The following KMT2C variants were observed in gnomAD, a reference collection of about 807,000 sequenced individuals.
KMT2C encodes histone-lysine N-methyltransferase 2C.
In KMT2C, 88 loss-of-function variants were observed where a neutral mutation model predicts 507.9. The ratio of observed to expected loss-of-function variants is 0.17; its 90% confidence interval spans 0.15 to 0.21. The LOEUF (loss-of-function observed/expected upper bound fraction) is 0.21. KMT2C is among the 10% of genes least tolerant of loss of function. KMT2C has a pLI of 1.00. For synonymous variants in KMT2C, 2,049 were observed against 2,080.8 expected (o/e 0.98, Z 0.42); for missense variants, 4,954 against 5,957.8 (o/e 0.83, Z 5.55).
At position 152,286,198 on chromosome 7, in the gene KMT2C, GTAAT is replaced by G. The variant is rs541748243; in HGVS notation, c.850-12335_850-12332del. ...AAATATCAAATATACTAACATTCAT[GTAAT>G]TAGAGTTACAGAGGAAGAGGAGAGA... On this transcript the variant is annotated intron_variant, in intron 6 of 58. Transcript: ENST00000262189. Among the ~76,000 whole-genome samples, 20 of 152,398 alleles carry G rather than the reference GTAAT, an allele frequency of 1.3e-4. No homozygotes were observed. The East Asian group carries it at 3.1e-3, about 24-fold the overall frequency.
chr7:152,146,668 G>A lies in KMT2C; in HGVS notation c.13962C>T (p.Phe4654=). 6.2e-7 allele frequency: 1 copy of A among 1,614,096 alleles called. No individual in the cohort carries two copies. The highest frequency in any genetic ancestry group is 8.5e-7 in the Non-Finnish European group (1 of 1,179,964). ...GATCCTCTCCTTTTAAATACGCTGG[G>A]AAAAGCTGGAGCATTTCAGACTTTT... ...VRKKSEMLQL[F]PAYLKGEDLF... The change falls in exon 53 of 59, where the codon TTC becomes TTT. Residue 4654 remains phenylalanine, a synonymous_variant. Transcript: ENST00000262189.
At chr7:152,261,868 G>C (rs749915013) in intron 9 of KMT2C, among the ~76,000 whole-genome samples, 5 of 152,114 alleles carry the variant, frequency 3.3e-5, no homozygotes, top group Admixed American at 1.3e-4. Flanking sequence ...GAAGGAATCT[G>C]AACTACCTGA....
At chr7:152,230,612 T>C (rs966887335) in intron 16 of KMT2C, among the ~76,000 whole-genome samples, 3 of 152,228 alleles carry the variant, frequency 2.0e-5, no homozygotes, top group African/African-American at 7.2e-5. Flanking sequence ...CAGGAAACTA[T>C]AAATGATAAT....
chr7:152,309,509 T>A (rs1325597111), intron 6 of KMT2C, among the ~76,000 whole-genome samples: 2 of 95,842 alleles, frequency 2.1e-5, no homozygotes, highest in Non-Finnish European at 3.9e-5. Flanking sequence ...TAAAATAACT[T>A]TTTTTTTTTT....
chr7:152,407,383 G>A (rs796251007), intron 1 of KMT2C, among the ~76,000 whole-genome samples: 1,639 of 131,204 alleles, frequency 0.012, no homozygotes, highest in African/African-American at 0.044. Flanking sequence ...TTAAAATGTA[G>A]CAAAGGGGCC....
At chr7:152,339,258 T>G (rs1316218056) in intron 2 of KMT2C, among the ~76,000 whole-genome samples, 1 of 152,212 alleles carries the variant, frequency 6.6e-6, no homozygotes, top group Non-Finnish European at 1.5e-5. Context: ...TTTACTAACC[T>G]CTAATTTTTA....
In KMT2C at chr7:152,176,857, C is replaced by A. The variant is rs2129113767; in HGVS notation, c.8596G>T (p.Glu2866Ter). 1 of 1,614,158 alleles carries A rather than the reference C, an allele frequency of 6.2e-7. No homozygotes were observed. The highest frequency in any genetic ancestry group is 2.2e-5 in the East Asian group (1 of 44,878). The change falls in exon 38 of 59, where the codon GAA (glutamate) becomes TAA (stop). Residue 2866 changes from glutamate to a stop codon, truncating the protein, a stop_gained. Coordinates refer to ENST00000262189, the MANE Select transcript of KMT2C (RefSeq NM_170606.3). LOFTEE classifies it high-confidence loss of function. Reference protein sequence around the residue: ...ASAHSDLNDGEKTSLHPCDPD... With the variant: ...ASAHSDLNDG Reference sequence around the variant, plus strand: ...TCACAAGGATGCAAAGAAGTCTTTTCTCCATCATTTAGGTCTGAGTGAGCA... The same window carrying A: ...TCACAAGGATGCAAAGAAGTCTTTTATCCATCATTTAGGTCTGAGTGAGCA...
At chr7:152,259,394 A>C (rs2095717024) in intron 9 of KMT2C, among the ~76,000 whole-genome samples, 1 of 151,638 alleles carries the variant, frequency 6.6e-6, no homozygotes, top group Non-Finnish European at 1.5e-5. Context: ...ATTAACCCTC[A>C]AATAGTAGGG....
At chr7:152,207,980 T>C (rs572254165) in intron 23 of KMT2C, among the ~76,000 whole-genome samples, 2 of 152,298 alleles carry the variant, frequency 1.3e-5, no homozygotes, top group African/African-American at 2.4e-5. Context: ...ACCTCTGAAA[T>C]GCATTTTATC....
At chr7:152,303,286 T>C (rs1196414480) in intron 6 of KMT2C, among the ~76,000 whole-genome samples, 3 of 152,208 alleles carry the variant, frequency 2.0e-5, no homozygotes, top group South Asian at 2.1e-4. Flanking sequence ...AGGAATAATA[T>C]GTCAAACCAG....
intron 55 of KMT2C, among the ~76,000 whole-genome samples, chr7:152,142,169 T>C (rs1185320741): frequency 6.6e-6 from 1 of 152,256 alleles, no homozygotes; most frequent in Non-Finnish European, 1.5e-5. Flanking sequence ...ATCTAGGGTC[T>C]TGACCAAGAC....
chr7:152,336,747 T>C (rs907784771), intron 2 of KMT2C, among the ~76,000 whole-genome samples: 4 of 152,312 alleles, frequency 2.6e-5, no homozygotes, highest in South Asian at 2.1e-4. Context: ...AAAAATTACA[T>C]TGCATTTTTA....
intron 1 of KMT2C, chr7:152,367,827 T>G: frequency 2.1e-6 from 2 of 935,456 alleles, no homozygotes; most frequent in Non-Finnish European, 3.6e-6. Context: ...CAGGGTGCAG[T>G]GTTGTTTATA....
chr7:152,350,304 T>C (rs1431744939), intron 2 of KMT2C, among the ~76,000 whole-genome samples: 1 of 152,178 alleles, frequency 6.6e-6, no homozygotes, highest in Non-Finnish European at 1.5e-5. Flanking sequence ...ATGCTAGAAG[T>C]AACTGAATGT....
chr7:152,294,014 A>G (rs1187851523), intron 6 of KMT2C, among the ~76,000 whole-genome samples: 3 of 145,706 alleles, frequency 2.1e-5, no homozygotes, highest in African/African-American at 7.8e-5. Context: ...GTGCACCACC[A>G]CACCTGCCTT....
chr7:152,257,687 T>C (rs2095683696), intron 9 of KMT2C, among the ~76,000 whole-genome samples: 1 of 152,164 alleles, frequency 6.6e-6, no homozygotes, highest in Non-Finnish European at 1.5e-5. Context: ...GAGGTACTGG[T>C]GTAAATTCAT....
chr7:152,424,107 C>T (rs1425061168), intron 1 of KMT2C, among the ~76,000 whole-genome samples: 1 of 151,954 alleles, frequency 6.6e-6, no homozygotes, highest in East Asian at 1.9e-4. Flanking sequence ...CACTCGTATC[C>T]CAAATGCATT....
At chr7:152,281,715 G>C (rs1024612256) in intron 6 of KMT2C, among the ~76,000 whole-genome samples, 5 of 151,886 alleles carry the variant, frequency 3.3e-5, no homozygotes, top group African/African-American at 4.8e-5. Flanking sequence ...CTGGGCAACA[G>C]AGTGAGACTC....
chr7:152,346,893 G>A (rs1339907932), intron 2 of KMT2C, among the ~76,000 whole-genome samples: 10 of 152,136 alleles, frequency 6.6e-5, no homozygotes, highest in African/African-American at 1.4e-4. Context: ...CTGGGAGGCC[G>A]AGGCGGGCGG....
Sources: allele counts gnomAD v4.1 joint callset (sites outside exome capture counted in the v4.1 genomes callset), GRCh38; gene constraint gnomAD v4.1.1; transcripts MANE v1.5; gene names NCBI Gene and HGNC (gene_info 2026-07-23, HGNC 2026-07-21).